Variants in TCF12 observed in about 807,000 individuals in gnomAD.
TCF12 encodes the protein DNA-binding protein HTF4.
In TCF12, 45 loss-of-function variants were observed where a neutral mutation model predicts 86.0. The observed-to-expected ratio is 0.52, with a 90% CI of 0.41 to 0.67. TCF12 has a LOEUF of 0.67. TCF12 is among the 30% of genes least tolerant of loss of function. The pLI is 0.00. For synonymous variants in TCF12, 330 were observed against 299.6 expected (o/e 1.10, Z -1.05); for missense variants, 881 against 859.9 (o/e 1.02, Z -0.31).
intron 13 of TCF12, among the ~76,000 whole-genome samples, chr15:57,244,566 T>TGCCCAC (rs1255635775): frequency 2.6e-5 from 4 of 152,126 alleles, no homozygotes; most frequent in Non-Finnish European, 5.9e-5. Context: ...CTCAAGGGAT[T>TGCCCAC]CTCCTGCCTC....
intron 13 of TCF12, among the ~76,000 whole-genome samples, chr15:57,243,963 C>A (rs1371156449): frequency 6.6e-6 from 1 of 152,122 alleles, no homozygotes; most frequent in Non-Finnish European, 1.5e-5. Context: ...ACTGCAGCCT[C>A]CAACTCCTGG....
At chr15:57,202,207 T>C (rs1425799013) in intron 8 of TCF12, among the ~76,000 whole-genome samples, 1 of 152,180 alleles carries the variant, frequency 6.6e-6, no homozygotes, top group African/African-American at 2.4e-5. Flanking sequence ...TAACTTAATA[T>C]CAAACACCAT....
intron 8 of TCF12, among the ~76,000 whole-genome samples, chr15:57,204,603 A>T (rs1363236880): frequency 1.3e-5 from 2 of 152,206 alleles, no homozygotes; most frequent in Non-Finnish European, 2.9e-5. Flanking sequence ...AATTGTAGGG[A>T]TACCTTTTGA....
chr15:57,216,563 TAAAAAAAAA>T (rs5812872), intron 8 of TCF12, among the ~76,000 whole-genome samples: 2 of 129,076 alleles, frequency 1.5e-5, no homozygotes, highest in Admixed American at 7.9e-5. Context: ...CATGTTCCTT[TAAAAAAAAA>T]AAAAAAAAAA....
chr15:57,282,744 T>G (rs1402890004), intron 20 of TCF12, 146 bp downstream of exon 20: 7 of 1,073,368 alleles, frequency 6.5e-6, no homozygotes, highest in African/African-American at 6.4e-5. Flanking sequence ...TTTGTCTTTC[T>G]GTTACATTAT....
intron 6 of TCF12, among the ~76,000 whole-genome samples, chr15:57,188,765 C>A (rs769968765): frequency 3.9e-5 from 6 of 152,106 alleles, no homozygotes; most frequent in Non-Finnish European, 5.9e-5. Flanking sequence ...TGTACTTCTT[C>A]ATCACAACAT....
intron 3 of TCF12, among the ~76,000 whole-genome samples, chr15:57,019,586 G>T (rs1020695033): frequency 1.1e-4 from 17 of 152,226 alleles, no homozygotes; most frequent in African/African-American, 3.9e-4. Context: ...CGGAAAAACG[G>T]TCTTCATGTG....
chr15:57,143,500 A>G (rs1270612293), intron 5 of TCF12, among the ~76,000 whole-genome samples: 1 of 152,184 alleles, frequency 6.6e-6, no homozygotes, highest in East Asian at 1.9e-4. Context: ...ATTGTTTTGA[A>G]CCTGAATGTG....
intron 5 of TCF12, among the ~76,000 whole-genome samples, chr15:57,162,043 A>G (rs569545861): frequency 6.6e-6 from 1 of 152,244 alleles, no homozygotes; most frequent in Admixed American, 6.5e-5. Context: ...ACCTATACAC[A>G]CTCACACCCC....
chr15:56,936,254 T>C (rs1237149155), intron 3 of TCF12, among the ~76,000 whole-genome samples: 1 of 152,244 alleles, frequency 6.6e-6, no homozygotes, highest in Non-Finnish European at 1.5e-5. Context: ...TTTTTTCATA[T>C]GTTTGTTGGC....
At chr15:57,072,536 TG>T in intron 4 of TCF12, 1 of 468,030 alleles carries the variant, frequency 2.1e-6, no homozygotes, top group South Asian at 3.5e-5. Context: ...TGTTTGCTAT[TG>T]TTTTTATTTT....
chr15:56,931,465 A>G (rs145652009), intron 3 of TCF12, among the ~76,000 whole-genome samples: 10 of 152,292 alleles, frequency 6.6e-5, no homozygotes, highest in Admixed American at 2.0e-4. Context: ...ACCATAAGGA[A>G]GCCTCAGCCC....
chr15:57,029,704 A>G (rs1007770931), intron 3 of TCF12, among the ~76,000 whole-genome samples: 13 of 152,204 alleles, frequency 8.5e-5, no homozygotes, highest in African/African-American at 2.7e-4. Flanking sequence ...CTGTTACCCT[A>G]TAAACCATGT....
rs888891344 is a variant in TCF12 at position 57,289,765 on chromosome 15, A to T, written c.*3620A>T. The T allele has an allele frequency of 3.2e-4, 49 of 152,202 alleles. No individual in the cohort carries two copies. Among genetic ancestry groups the T allele is most frequent in the African/African-American group, 1.2e-3 (48 of 41,456 alleles). The allele number at this position is 152,202 out of a possible 1,614,324, so 9.4% of individuals were successfully genotyped here. ...TAGAATTGTGTAAGTATTGAATGAA[A>T]CAATGTATGGAAAGCTCTTATGGTT... On this transcript the variant is annotated 3_prime_UTR_variant, in exon 21 of 21. Coordinates refer to ENST00000333725, the MANE Select transcript of TCF12 (RefSeq NM_207037.2).
intron 3 of TCF12, among the ~76,000 whole-genome samples, chr15:56,970,101 G>C (rs1399200667): frequency 2.0e-5 from 3 of 152,166 alleles, no homozygotes; most frequent in Non-Finnish European, 4.4e-5. Flanking sequence ...ATAGACCTAA[G>C]AGCATATTGA....
intron 5 of TCF12, among the ~76,000 whole-genome samples, chr15:57,159,986 TATC>T (rs1415687546): frequency 2.0e-5 from 3 of 151,422 alleles, no homozygotes; most frequent in Non-Finnish European, 4.4e-5. Context: ...TATGCCATAA[TATC>T]ATTATCTCTG....
intron 3 of TCF12, among the ~76,000 whole-genome samples, chr15:56,986,789 A>G (rs2063199059): frequency 6.6e-6 from 1 of 152,202 alleles, no homozygotes; most frequent in African/African-American, 2.4e-5. Context: ...TTGTCTCGTT[A>G]GATTTGTAAG....
chr15:57,260,948 A>G (rs544173459), intron 16 of TCF12, among the ~76,000 whole-genome samples: 17 of 152,300 alleles, frequency 1.1e-4, no homozygotes, highest in East Asian at 1.9e-4. Context: ...ATTCTTCTCA[A>G]GTTTTTTTAG....
chr15:57,153,989 T>A (rs1167225880), intron 5 of TCF12, among the ~76,000 whole-genome samples: 1 of 149,448 alleles, frequency 6.7e-6, no homozygotes, highest in African/African-American at 2.5e-5. Context: ...AAGAAGACCC[T>A]GTGTCTTTAA....
Sources: gnomAD v4.1 joint callset for allele counts (sites outside exome capture counted in the v4.1 genomes callset) on GRCh38, gnomAD v4.1.1 for gene constraint, MANE v1.5 for transcripts, NCBI Gene and HGNC (gene_info 2026-07-23, HGNC 2026-07-21) for gene names.